Variants in DNAJC1 observed in about 807,000 individuals in gnomAD.
DNAJC1 encodes DnaJ heat shock protein family (Hsp40) member C1.
In DNAJC1, 58 loss-of-function variants were observed where a neutral mutation model predicts 76.6. The ratio of observed to expected loss-of-function variants is 0.76; its 90% CI spans 0.61 to 0.94. DNAJC1 has a LOEUF of 0.94. DNAJC1 is among the 40% of genes least tolerant of loss of function. DNAJC1 has a pLI of 0.00. For missense variants in DNAJC1, 689 were observed against 677.3 expected (o/e 1.02, Z -0.19); for synonymous variants, 258 against 267.9 (o/e 0.96, Z 0.36).
chr10:21,762,566 A>G (rs1419093006), intron 10 of DNAJC1, among the ~76,000 whole-genome samples: 2 of 152,230 alleles, frequency 1.3e-5, no homozygotes, highest in African/African-American at 2.4e-5. Flanking sequence ...TTTCATAAAA[A>G]TCTTCCCCAA....
intron 8 of DNAJC1, among the ~76,000 whole-genome samples, chr10:21,854,028 G>T (rs1027925175): frequency 2.0e-5 from 3 of 151,868 alleles, no homozygotes; most frequent in Non-Finnish European, 2.9e-5. Context: ...GTGATTAAGT[G>T]AAACAAATTA....
At chr10:21,850,240 A>G (rs904454753) in intron 8 of DNAJC1, among the ~76,000 whole-genome samples, 1 of 152,226 alleles carries the variant, frequency 6.6e-6, no homozygotes, top group Non-Finnish European at 1.5e-5. Context: ...AAAAAAAACT[A>G]GTAGAATTAA....
chr10:21,837,918 G>A (rs1292273833), intron 8 of DNAJC1, among the ~76,000 whole-genome samples: 1 of 146,880 alleles, frequency 6.8e-6, no homozygotes, highest in African/African-American at 2.5e-5. Context: ...GGAGGGAGGT[G>A]GCGGGCAGCC....
chr10:21,870,998 T>A (rs914458628), intron 8 of DNAJC1, among the ~76,000 whole-genome samples: 2 of 152,108 alleles, frequency 1.3e-5, no homozygotes, highest in Non-Finnish European at 1.5e-5. Flanking sequence ...AATTATTTGT[T>A]CTGTCCTGTT....
chr10:21,820,911 C>T (rs964874169), intron 8 of DNAJC1, among the ~76,000 whole-genome samples: 7 of 152,206 alleles, frequency 4.6e-5, no homozygotes, highest in African/African-American at 1.4e-4. Context: ...GGGCACGCCA[C>T]CCTCCAGGAA....
intron 1 of DNAJC1, among the ~76,000 whole-genome samples, chr10:21,951,991 G>A (rs1837604592): frequency 6.6e-6 from 1 of 152,148 alleles, no homozygotes; most frequent in South Asian, 2.1e-4. Flanking sequence ...TACTACTGAG[G>A]TGATTAGCAA....
In DNAJC1 at chr10:21,956,137, T is replaced by C. The variant is rs144436285; in HGVS notation, c.223-26996A>G. Among the ~76,000 whole-genome samples, 239 of 152,264 alleles carry C rather than the reference T, an allele frequency of 1.6e-3. 4 individuals are homozygous for C. Among genetic ancestry groups the C allele is most frequent in the African/African-American group, 5.4e-3 (226 of 41,540 alleles). On this transcript the variant is annotated intron_variant, in intron 1 of 11. Transcript: ENST00000376980. ...AAGGGCCCACTTCTGGCAAGAGCCT[T>C]TCGCTGCATCATCCCATGGCAGAAC...
chr10:21,953,205 T>C (rs1195629070), intron 1 of DNAJC1, among the ~76,000 whole-genome samples: 2 of 152,110 alleles, frequency 1.3e-5, no homozygotes, highest in African/African-American at 2.4e-5. Context: ...GGAGTAATAG[T>C]TATGTTCTCT....
intron 9 of DNAJC1, among the ~76,000 whole-genome samples, chr10:21,800,831 T>C (rs936709264): frequency 2.0e-5 from 3 of 152,180 alleles, no homozygotes. Context: ...AAAATTTAGC[T>C]TAAGTGTATT....
intron 9 of DNAJC1, among the ~76,000 whole-genome samples, chr10:21,800,092 C>G (rs186522472): frequency 7.6e-4 from 115 of 152,258 alleles, no homozygotes; most frequent in Non-Finnish European, 1.5e-3. Flanking sequence ...GTCCCCAAAT[C>G]CTGAAAACTT....
rs111370220 is a variant in DNAJC1, at chr10:21,758,855, T to C, written c.1596+315A>G. The stretch of plus-strand genomic sequence containing the variant: ...GAGGCAGCGCCGGCTGAGCCTCCCA[T>C]GTGCCCTTAAAACCTAGCCGGAGTG... On this transcript the variant is annotated intron_variant, in intron 11 of 11. Transcript: ENST00000376980. Among the ~76,000 whole-genome samples, 1,163 of 152,290 alleles carry C rather than the reference T, an allele frequency of 7.6e-3. 16 individuals carry two copies. Among genetic ancestry groups the C allele is most frequent in the African/African-American group, 0.026 (1,076 of 41,548 alleles).
chr10:21,790,101 G>A (rs754976320), intron 9 of DNAJC1, among the ~76,000 whole-genome samples: 19 of 147,512 alleles, frequency 1.3e-4, no homozygotes, highest in Non-Finnish European at 2.5e-4. Context: ...TTTGAACACA[G>A]GTCATTGGAA....
At chr10:21,897,728 T>A (rs980521511) in intron 7 of DNAJC1, among the ~76,000 whole-genome samples, 4 of 152,198 alleles carry the variant, frequency 2.6e-5, no homozygotes, top group South Asian at 2.1e-4. Flanking sequence ...TGGGGACCAC[T>A]GATGTAAAGC....
At chr10:21,839,470 C>T (rs1359061564) in intron 8 of DNAJC1, among the ~76,000 whole-genome samples, 1 of 152,172 alleles carries the variant, frequency 6.6e-6, no homozygotes. Context: ...ATACTATAAA[C>T]ACCTCTACGC....
intron 8 of DNAJC1, among the ~76,000 whole-genome samples, chr10:21,808,332 A>C (rs909650755): frequency 6.6e-6 from 1 of 152,186 alleles, no homozygotes; most frequent in African/African-American, 2.4e-5. Context: ...TTAAAAACAA[A>C]TCTGATTTTA....
intron 7 of DNAJC1, among the ~76,000 whole-genome samples, chr10:21,902,959 C>T (rs1836683049): frequency 6.6e-6 from 1 of 151,926 alleles, no homozygotes; most frequent in Admixed American, 6.6e-5. Context: ...CAGAGTTTCA[C>T]TCTTGTCACC....
intron 9 of DNAJC1, among the ~76,000 whole-genome samples, chr10:21,783,443 GA>G (rs2131629374): frequency 6.6e-6 from 1 of 152,292 alleles, no homozygotes; most frequent in South Asian, 2.1e-4. Context: ...TCATGGATAG[GA>G]AGAATCAATA....
At chr10:21,757,028 C>T (rs1252567431) in intron 11 of DNAJC1, among the ~76,000 whole-genome samples, 1 of 152,206 alleles carries the variant, frequency 6.6e-6, no homozygotes, top group African/African-American at 2.4e-5. Context: ...GCATCATAAT[C>T]GGGTCTTTCA....
At chr10:21,817,372 C>T (rs571586004) in intron 8 of DNAJC1, among the ~76,000 whole-genome samples, 50 of 152,074 alleles carry the variant, frequency 3.3e-4, no homozygotes, top group African/African-American at 1.0e-3. Flanking sequence ...AAATATACTA[C>T]GAACACTCTG....
Sources: gnomAD v4.1 joint callset for allele counts (sites outside exome capture counted in the v4.1 genomes callset) on GRCh38, gnomAD v4.1.1 for gene constraint, MANE v1.5 for transcripts, NCBI Gene and HGNC (gene_info 2026-07-23, HGNC 2026-07-21) for gene names.